The following SNX7 variants were observed in gnomAD, a reference collection of about 807,000 sequenced individuals.
SNX7 encodes sorting nexin 7, also known as sorting nexin-7.
Under a neutral mutation model 48.4 loss-of-function variants are expected in SNX7, and 35 were observed. That is an observed-to-expected ratio of 0.72 (90% CI 0.55 to 0.96). The LOEUF (loss-of-function observed/expected upper bound fraction) is 0.96. Ranked by LOEUF, SNX7 falls within the 40% of genes least tolerant of loss-of-function variation. The pLI, the probability that SNX7 is intolerant of heterozygous loss-of-function variation, is 0.00. For synonymous variants in SNX7, 190 were observed against 190.2 expected (o/e 1.00, Z 0.01); for missense variants, 553 against 548.9 (o/e 1.01, Z -0.07).
intron 1 of SNX7, among the ~76,000 whole-genome samples, chr1:98,678,452 G>A (rs940573384): frequency 4.6e-5 from 7 of 152,182 alleles, no homozygotes; most frequent in African/African-American, 1.7e-4. Flanking sequence ...ACATATGTAT[G>A]TGTATGTCTC....
chr1:98,701,724 A>G (rs1651759231), intron 6 of SNX7, 93 bp from the exon 7 acceptor site: 1 of 740,400 alleles, frequency 1.4e-6, no homozygotes, highest in African/African-American at 1.8e-5. Flanking sequence ...TGGGGAAGAG[A>G]TGCTATTTAT....
intron 7 of SNX7, among the ~76,000 whole-genome samples, chr1:98,704,758 A>G (rs1651930287): frequency 6.6e-6 from 1 of 152,146 alleles, no homozygotes; most frequent in African/African-American, 2.4e-5. Context: ...GGCCATTTCT[A>G]TGGAGACATT....
intron 8 of SNX7, among the ~76,000 whole-genome samples, chr1:98,759,611 A>G (rs1655017524): frequency 6.6e-6 from 1 of 152,070 alleles, no homozygotes; most frequent in Admixed American, 6.6e-5. Context: ...GCTAGTGGTA[A>G]GTACTATTAT....
chr1:98,757,007 C>T (rs1265883177), intron 8 of SNX7, among the ~76,000 whole-genome samples: 1 of 151,982 alleles, frequency 6.6e-6, no homozygotes, highest in Non-Finnish European at 1.5e-5. Context: ...TCTGAGTTCA[C>T]AGGAGATCTG....
At chr1:98,728,843 G>A (rs928403011) in intron 7 of SNX7, among the ~76,000 whole-genome samples, 9 of 152,020 alleles carry the variant, frequency 5.9e-5, no homozygotes, top group African/African-American at 2.2e-4. Flanking sequence ...CATAATAATA[G>A]TAGGATACTT....
At chr1:98,676,447 CTT>C (rs1365152554) in intron 1 of SNX7, among the ~76,000 whole-genome samples, 1 of 152,110 alleles carries the variant, frequency 6.6e-6, no homozygotes, top group African/African-American at 2.4e-5. Context: ...GATCACAAAT[CTT>C]TTTGTGATAA....
chr1:98,727,173 G>T (rs1225155194), intron 7 of SNX7, among the ~76,000 whole-genome samples: 2 of 152,150 alleles, frequency 1.3e-5, no homozygotes, highest in African/African-American at 4.8e-5. Context: ...TTGCGCCACT[G>T]TACTCCAGCC....
intron 7 of SNX7, among the ~76,000 whole-genome samples, chr1:98,723,089 CAAAT>C: frequency 6.6e-6 from 1 of 151,828 alleles, no homozygotes. Context: ...AAGTACAAGA[CAAAT>C]AAATAAAATA....
intron 1 of SNX7, 80 bp from the exon 2 acceptor site, chr1:98,684,805 T>G: frequency 1.0e-6 from 1 of 987,864 alleles, no homozygotes; most frequent in Non-Finnish European, 1.4e-6. Flanking sequence ...TTGATATATT[T>G]CATTAATATT....
In SNX7 at chr1:98,700,313, A is replaced by G. The variant is rs1156851375; in HGVS notation, c.1038+1408A>G. Among the ~76,000 whole-genome samples, 2 of 152,172 alleles carry G rather than the reference A, an allele frequency of 1.3e-5. 1 individual carries two copies. The highest frequency in any genetic ancestry group is 2.9e-5 in the Non-Finnish European group (2 of 68,016). ...TTTTCACCAGTTGTCCTCTGAAGCA[A>G]CCTTTTACTCAAAATGTATTTGTGC... On this transcript the variant is annotated intron_variant, in intron 6 of 8. Transcript: ENST00000306121.
At chr1:98,687,213 G>A in intron 2 of SNX7, among the ~76,000 whole-genome samples, 1 of 152,090 alleles carries the variant, frequency 6.6e-6, no homozygotes, top group African/African-American at 2.4e-5. Context: ...AAACTTAGTA[G>A]CTTGTTAAAG....
Position 98,691,610 on chromosome 1 carries a change from G to A in SNX7, c.550G>A (p.Ala184Thr), listed in dbSNP as rs1246984252. The A allele has an allele frequency of 6.2e-7, 1 of 1,611,768 alleles. No homozygotes were observed. The highest frequency in any genetic ancestry group is 1.7e-5 in the Admixed American group (1 of 59,772). ...NDDFIETRRKALHKFLNRIAD... is the reference protein window; with the variant it reads ...NDDFIETRRKTLHKFLNRIAD... ...TGACTTCATTGAGACACGCAGGAAG[G>A]CTTTACATAAATTTTTGAACCGAAT... The change falls in exon 4 of 9, where the codon GCT (alanine) becomes ACT (threonine). Residue 184 changes from alanine (A) to threonine (T), a missense_variant. Physicochemically the swap from Ala to Thr is moderately conservative, Grantham distance 58. Transcript: ENST00000306121.
At chr1:98,709,548 A>G (rs932442702) in intron 7 of SNX7, among the ~76,000 whole-genome samples, 1 of 152,218 alleles carries the variant, frequency 6.6e-6, no homozygotes, top group Non-Finnish European at 1.5e-5. Context: ...AAGGAGAACC[A>G]TAAATCTATT....
At chr1:98,732,977 A>T (rs1024630218) in intron 7 of SNX7, among the ~76,000 whole-genome samples, 7 of 152,106 alleles carry the variant, frequency 4.6e-5, no homozygotes, top group Non-Finnish European at 7.4e-5. Context: ...TGCAACTGGT[A>T]TGTCAATCGG....
chr1:98,738,430 A>G (rs1219863235), intron 8 of SNX7, 41 bp downstream of exon 8: 2 of 1,579,860 alleles, frequency 1.3e-6, no homozygotes, highest in Admixed American at 1.7e-5. Context: ...TTAAAGTTAT[A>G]TGCTCATTTA....
intron 7 of SNX7, among the ~76,000 whole-genome samples, chr1:98,703,365 C>T (rs1651848023): frequency 6.6e-6 from 1 of 152,098 alleles, no homozygotes; most frequent in South Asian, 2.1e-4. Flanking sequence ...GTCTAACTTG[C>T]ATAGTTCTAT....
At chr1:98,722,764 T>C (rs1389253748) in intron 7 of SNX7, among the ~76,000 whole-genome samples, 1 of 150,912 alleles carries the variant, frequency 6.6e-6, no homozygotes, top group East Asian at 1.9e-4. Flanking sequence ...GTTGGTGATA[T>C]AGCTTCCATT....
At chr1:98,744,007 A>G (rs1452474567) in intron 8 of SNX7, among the ~76,000 whole-genome samples, 1 of 152,038 alleles carries the variant, frequency 6.6e-6, no homozygotes, top group Non-Finnish European at 1.5e-5. Context: ...AAAATCAGAA[A>G]AAGTATTGAT....
chr1:98,698,648 A>G, intron 5 of SNX7, 58 bp from the exon 6 acceptor site: 2 of 1,464,134 alleles, frequency 1.4e-6, no homozygotes, highest in Non-Finnish European at 1.9e-6. Context: ...TCTAGGATAC[A>G]GGTATTTTGA....
Sources: gnomAD v4.1 joint callset for allele counts (sites outside exome capture counted in the v4.1 genomes callset) on GRCh38, gnomAD v4.1.1 for gene constraint, MANE v1.5 for transcripts, NCBI Gene and HGNC (gene_info 2026-07-23, HGNC 2026-07-21) for gene names.